Variants in PCDH15 observed in about 807,000 individuals in gnomAD.
PCDH15 encodes protocadherin-15.
Under a neutral mutation model 178.5 loss-of-function variants are expected in PCDH15, and 129 were observed. That is an observed-to-expected ratio of 0.72 (90% CI 0.63 to 0.84). The LOEUF is 0.84. Among genes scored for constraint, PCDH15 ranks in the 40% least tolerant of loss-of-function variants. PCDH15 has a pLI of 0.00. For synonymous variants in PCDH15, 800 were observed against 732.0 expected (o/e 1.09, Z -1.50); for missense variants, 2,230 against 2,099.9 (o/e 1.06, Z -1.21).
chr10:54,649,544 C>A (rs992232416), intron 2 of PCDH15, among the ~76,000 whole-genome samples: 4 of 151,898 alleles, frequency 2.6e-5, no homozygotes, highest in African/African-American at 9.7e-5. Flanking sequence ...CATCAGTATT[C>A]CAATTTTTCA....
At chr10:54,803,029 G>A (rs943741174), upstream of PCDH15, among the ~76,000 whole-genome samples, 5 of 152,006 alleles carry the variant, frequency 3.3e-5, no homozygotes, top group African/African-American at 7.2e-5. Context: ...TATTTACTTC[G>A]GGATGAATAA....
At chr10:54,373,151 TA>T (rs957445950) in intron 4 of PCDH15, among the ~76,000 whole-genome samples, 9 of 151,934 alleles carry the variant, frequency 5.9e-5, no homozygotes, top group African/African-American at 9.7e-5. Context: ...CAATCCAATA[TA>T]TTTTTTTTCT....
At chr10:54,527,167 T>G (rs2083439790) in intron 3 of PCDH15, among the ~76,000 whole-genome samples, 1 of 152,244 alleles carries the variant, frequency 6.6e-6, no homozygotes, top group African/African-American at 2.4e-5. Flanking sequence ...ATTTCTACAT[T>G]AACGTTCAGA....
chr10:54,559,861 A>AG (rs2087833293), intron 2 of PCDH15, among the ~76,000 whole-genome samples: 1 of 112,230 alleles, frequency 8.9e-6, no homozygotes, highest in African/African-American at 2.9e-5. Flanking sequence ...AAAAAAAAAA[A>AG]AAAAAAAAAA....
intron 9 of PCDH15, among the ~76,000 whole-genome samples, chr10:54,233,466 A>G (rs1447623446): frequency 2.0e-5 from 3 of 152,174 alleles, no homozygotes; most frequent in Non-Finnish European, 4.4e-5. Flanking sequence ...ATAATTTCTA[A>G]TTGCATTCCA....
Position 54,153,264 on chromosome 10 carries a change from T to C in PCDH15, c.1620A>G (p.Ser540=). 8 of 1,613,884 alleles carry C rather than the reference T, an allele frequency of 5.0e-6. No individual in the cohort carries two copies. The highest frequency in any genetic ancestry group is 6.8e-6 in the Non-Finnish European group (8 of 1,179,842). ...QLTAVDADEG[S]NGEITYEILV... ...GGATTTCATATGTGATCTCCCCATT[T>C]GACCCTTCGTCTGCGTCGACTGCAG... The change falls in exon 14 of 38, where the codon TCA becomes TCG. Residue 540 remains serine, a synonymous_variant. Coordinates refer to ENST00000644397, the MANE Select transcript of PCDH15 (RefSeq NM_001384140.1).
At chr10:55,343,848 T>C (rs1490026878) in intron 2 of PCDH15, among the ~76,000 whole-genome samples, 1 of 152,082 alleles carries the variant, frequency 6.6e-6, no homozygotes, top group Non-Finnish European at 1.5e-5. Flanking sequence ...ATAAAATAGT[T>C]AGAAAAACAG....
At chr10:54,574,697 T>C (rs1195200700) in intron 2 of PCDH15, among the ~76,000 whole-genome samples, 2 of 150,106 alleles carry the variant, frequency 1.3e-5, no homozygotes, top group African/African-American at 4.9e-5. Flanking sequence ...TTTACACTGT[T>C]GGTGGGACTG....
chr10:54,839,242 A>G (rs1953374245), intron 3 of PCDH15, among the ~76,000 whole-genome samples: 1 of 152,148 alleles, frequency 6.6e-6, no homozygotes, highest in Admixed American at 6.6e-5. Flanking sequence ...TACTTTAAGG[A>G]CACAGATAAA....
intron 3 of PCDH15, among the ~76,000 whole-genome samples, chr10:54,449,866 AT>A (rs1166550762): frequency 6.6e-6 from 1 of 151,688 alleles, no homozygotes; most frequent in Non-Finnish European, 1.5e-5. Flanking sequence ...CCTGGAATCC[AT>A]CCCCCATGGA....
chr10:55,476,926 C>T (rs1840073288), intron 2 of PCDH15, among the ~76,000 whole-genome samples: 1 of 151,834 alleles, frequency 6.6e-6, no homozygotes, highest in African/African-American at 2.4e-5. Context: ...GAAAAAAATC[C>T]AGTTTTATTT....
intron 3 of PCDH15, chr10:54,486,290 C>T (rs1285588479): frequency 6.6e-6 from 1 of 151,946 alleles, no homozygotes; most frequent in Non-Finnish European, 1.5e-5. Flanking sequence ...CCAAGACTTT[C>T]CTTAACAGGT....
chr10:55,532,268 T>C (rs1241357163), intron 2 of PCDH15, among the ~76,000 whole-genome samples: 1 of 152,030 alleles, frequency 6.6e-6, no homozygotes, highest in Admixed American at 6.6e-5. Flanking sequence ...GCTGCTCATG[T>C]TGACTAAACT....
intron 3 of PCDH15, among the ~76,000 whole-genome samples, chr10:54,818,161 A>G (rs540686703): frequency 4.6e-5 from 7 of 151,948 alleles, no homozygotes; most frequent in African/African-American, 1.4e-4. Flanking sequence ...ATCACAATTC[A>G]TTGATTAACA....
At chr10:53,970,831 T>A (rs1476000620) in intron 21 of PCDH15, among the ~76,000 whole-genome samples, 1 of 152,108 alleles carries the variant, frequency 6.6e-6, no homozygotes, top group East Asian at 1.9e-4. Flanking sequence ...CAGGACCAGA[T>A]GGATTCACAG....
At chr10:54,493,310 G>A (rs888504600) in intron 3 of PCDH15, among the ~76,000 whole-genome samples, 4 of 149,102 alleles carry the variant, frequency 2.7e-5, no homozygotes, top group African/African-American at 9.8e-5. Flanking sequence ...TTTCTCTGGG[G>A]GTGGGGGCAA....
At chr10:54,895,211 C>T (rs1444517357) in intron 3 of PCDH15, among the ~76,000 whole-genome samples, 1 of 152,114 alleles carries the variant, frequency 6.6e-6, no homozygotes, top group Non-Finnish European at 1.5e-5. Flanking sequence ...TGTGGCTACT[C>T]ATAATTCCTC....
chr10:54,999,878 G>T (rs1196452293), intron 2 of PCDH15, among the ~76,000 whole-genome samples: 1 of 152,192 alleles, frequency 6.6e-6, no homozygotes, highest in Non-Finnish European at 1.5e-5. Flanking sequence ...GTTCCGTGTT[G>T]CCCCCTGAGC....
At chr10:54,853,336 C>A (rs148492888) in intron 3 of PCDH15, among the ~76,000 whole-genome samples, 1 of 126,478 alleles carries the variant, frequency 7.9e-6, no homozygotes, top group Admixed American at 7.9e-5. Flanking sequence ...CACACATATA[C>A]ATATATATAC....
Sources: allele counts gnomAD v4.1 joint callset (sites outside exome capture counted in the v4.1 genomes callset), GRCh38; gene constraint gnomAD v4.1.1; transcripts MANE v1.5; gene names NCBI Gene and HGNC (gene_info 2026-07-23, HGNC 2026-07-21).